LUZP2: variants seen among roughly 807,000 people sequenced by gnomAD.
LUZP2 encodes leucine zipper protein 2.
Under a neutral mutation model 51.6 loss-of-function variants are expected in LUZP2, and 52 were observed. The ratio of observed to expected loss-of-function variants is 1.01; its 90% CI spans 0.81 to 1.27. The LOEUF is 1.27. Ranked by LOEUF, LUZP2 falls within the 50% of genes most tolerant of loss-of-function variation. The pLI, the probability that LUZP2 is intolerant of heterozygous loss-of-function variation, is 0.00. For missense variants in LUZP2, 436 were observed against 395.4 expected, an observed-to-expected ratio of 1.10 and a Z score of -0.87; for synonymous variants, 154 against 137.3, an observed-to-expected ratio of 1.12 and a Z score of -0.85.
intron 9 of LUZP2, among the ~76,000 whole-genome samples, chr11:24,989,090 T>G (rs1484802738): frequency 8.0e-6 from 1 of 125,496 alleles, no homozygotes; most frequent in African/African-American, 3.0e-5. Flanking sequence ...AGGCTTAGAT[T>G]CCTGTGCAGT....
rs1305793124 is a variant in LUZP2 at position 24,556,762 on chromosome 11, G to C, written c.62+59457G>C. Reference sequence around the variant, plus strand: ...CTCTGTCCTATACATATTTTCCAAAGCCCAGAAGGGTTTTTCTCCAACCCT... The same window carrying C: ...CTCTGTCCTATACATATTTTCCAAACCCCAGAAGGGTTTTTCTCCAACCCT... On this transcript the variant is annotated intron_variant, in intron 1 of 11. Coordinates refer to ENST00000336930, the MANE Select transcript of LUZP2 (RefSeq NM_001009909.4). 2.0e-5 allele frequency among the ~76,000 whole-genome samples: 3 copies of C among 152,096 alleles called. No individual in the cohort carries two copies. The East Asian group carries it at 5.8e-4, about 29-fold the overall frequency.
chr11:24,632,788 G>T, intron 1 of LUZP2, among the ~76,000 whole-genome samples: 1 of 152,004 alleles, frequency 6.6e-6, no homozygotes, highest in Non-Finnish European at 1.5e-5. Flanking sequence ...ATATCACACA[G>T]AATATAAACC....
chr11:24,715,631 A>G lies in LUZP2; in HGVS notation c.63-13538A>G, dbSNP rs201047379. Among the ~76,000 whole-genome samples, 6 of 152,222 alleles carry G rather than the reference A, an allele frequency of 3.9e-5. No individual in the cohort carries two copies. The East Asian group carries it at 9.6e-4, about 24-fold the overall frequency. On this transcript the variant is annotated intron_variant, in intron 1 of 11. Coordinates refer to ENST00000336930, the MANE Select transcript of LUZP2 (RefSeq NM_001009909.4). ...CATCCTATGCGTCATTCAAGGCCCC[A>G]CACAAAGATATTTTCTTCCATGAAA...
intron 5 of LUZP2, among the ~76,000 whole-genome samples, chr11:24,855,957 A>G (rs1305658075): frequency 6.6e-6 from 1 of 152,154 alleles, no homozygotes; most frequent in Admixed American, 6.5e-5. Flanking sequence ...AATTGACTCA[A>G]GATAGATTAA....
intron 1 of LUZP2, among the ~76,000 whole-genome samples, chr11:24,631,814 C>T (rs569781795): frequency 6.6e-5 from 10 of 151,982 alleles, no homozygotes; most frequent in South Asian, 6.2e-4. Context: ...CTATCTAGTC[C>T]TGGCTTTTCT....
At chr11:24,517,321 T>C (rs1850497221) in intron 1 of LUZP2, among the ~76,000 whole-genome samples, 1 of 151,292 alleles carries the variant, frequency 6.6e-6, no homozygotes, top group Admixed American at 6.6e-5. Flanking sequence ...CCGTCTCTAC[T>C]AAACATACAA....
chr11:25,076,068 A>G (rs1263413519), intron 10 of LUZP2, among the ~76,000 whole-genome samples: 1 of 152,022 alleles, frequency 6.6e-6, no homozygotes, highest in Non-Finnish European at 1.5e-5. Context: ...GTTGGAGTGC[A>G]GTGGCATGAT....
intron 5 of LUZP2, among the ~76,000 whole-genome samples, chr11:24,884,776 T>C (rs749151): frequency 0.49 from 73,848 of 151,816 alleles, 18,419 homozygotes; most frequent in East Asian, 0.69. Flanking sequence ...AAATAGGTGC[T>C]TCTCCAGAGA....
chr11:25,040,860 T>TA (rs1181548513), intron 9 of LUZP2, among the ~76,000 whole-genome samples: 11 of 152,160 alleles, frequency 7.2e-5, no homozygotes, highest in Admixed American at 7.2e-4. Context: ...GCATGATCCT[T>TA]ACTATAGCCC....
At chr11:24,912,807 C>T (rs1286810114) in intron 6 of LUZP2, among the ~76,000 whole-genome samples, 1 of 151,920 alleles carries the variant, frequency 6.6e-6, no homozygotes, top group African/African-American at 2.4e-5. Flanking sequence ...AAGACTCCAT[C>T]TCAAGAAAAA....
chr11:24,692,035 G>A (rs1857084805), intron 1 of LUZP2, among the ~76,000 whole-genome samples: 1 of 151,686 alleles, frequency 6.6e-6, no homozygotes, highest in South Asian at 2.1e-4. Flanking sequence ...CAGATAAAAT[G>A]ATCTCATATA....
intron 5 of LUZP2, among the ~76,000 whole-genome samples, chr11:24,870,204 A>T (rs556253869): frequency 6.6e-6 from 1 of 152,286 alleles, no homozygotes; most frequent in South Asian, 2.1e-4. Context: ...TCATGAGGTT[A>T]TTAAGGAAAG....
intron 7 of LUZP2, among the ~76,000 whole-genome samples, chr11:24,933,246 T>C (rs749419304): frequency 2.6e-5 from 4 of 152,158 alleles, no homozygotes; most frequent in Non-Finnish European, 4.4e-5. Context: ...TCCTGTTAGT[T>C]CCTGTGGTAG....
At chr11:24,637,796 G>A (rs927578805) in intron 1 of LUZP2, among the ~76,000 whole-genome samples, 1 of 151,816 alleles carries the variant, frequency 6.6e-6, no homozygotes, top group Admixed American at 6.6e-5. Flanking sequence ...AAGACAATGA[G>A]TGCACAGAGG....
intron 5 of LUZP2, among the ~76,000 whole-genome samples, chr11:24,852,343 C>T (rs982265450): frequency 2.0e-5 from 3 of 152,128 alleles, no homozygotes; most frequent in Non-Finnish European, 4.4e-5. Context: ...TTATTTATTT[C>T]TGCCTTAATT....
Position 24,970,976 on chromosome 11 carries a change from T to C in LUZP2, c.523-5615T>C, listed in dbSNP as rs112480993. On this transcript the variant is annotated intron_variant, in intron 7 of 11. Coordinates refer to ENST00000336930, the MANE Select transcript of LUZP2 (RefSeq NM_001009909.4). ...GAATAGTAGGCAGCCATATAAAGAA[T>C]GAAATTATGTCCTTTGCAGCAACAT... Among the ~76,000 whole-genome samples the C allele has an allele frequency of 6.7e-3, 1,022 of 152,298 alleles. 2 individuals carry two copies. The highest frequency in any genetic ancestry group is 0.01 in the Middle Eastern group (3 of 294).
At chr11:24,905,542 A>T (rs557266361) in intron 5 of LUZP2, among the ~76,000 whole-genome samples, 20 of 152,244 alleles carry the variant, frequency 1.3e-4, no homozygotes, top group African/African-American at 4.3e-4. Context: ...AAATAAATAA[A>T]AAAAAAGAAA....
At chr11:24,870,759 G>A (rs1852045379) in intron 5 of LUZP2, among the ~76,000 whole-genome samples, 1 of 151,988 alleles carries the variant, frequency 6.6e-6, no homozygotes. Context: ...GTTTCTCTCG[G>A]CTAAAAATTT....
At chr11:24,775,995 A>G (rs1848904841) in intron 5 of LUZP2, among the ~76,000 whole-genome samples, 3 of 152,188 alleles carry the variant, frequency 2.0e-5, no homozygotes, top group Non-Finnish European at 4.4e-5. Flanking sequence ...TAGTTCATCA[A>G]TAAGCAGTGT....
Sources: gnomAD v4.1 joint callset for allele counts (sites outside exome capture counted in the v4.1 genomes callset) on GRCh38, gnomAD v4.1.1 for gene constraint, MANE v1.5 for transcripts, NCBI Gene and HGNC (gene_info 2026-07-23, HGNC 2026-07-21) for gene names.